Variants in TSPEAR observed in about 807,000 individuals in gnomAD.
TSPEAR encodes thrombospondin type laminin G domain and EAR repeats.
TSPEAR carries 69 observed loss-of-function variants against 71.6 expected under a neutral mutation model. The ratio of observed to expected loss-of-function variants is 0.96; its 90% confidence interval spans 0.79 to 1.18. The LOEUF (loss-of-function observed/expected upper bound fraction) is 1.18. Ranked by LOEUF, TSPEAR falls within the 50% of genes most tolerant of loss-of-function variation. TSPEAR has a pLI of 0.00. For synonymous variants in TSPEAR, 402 were observed against 387.2 expected, an observed-to-expected ratio of 1.04 and a Z score of -0.45; for missense variants, 971 against 894.9, an observed-to-expected ratio of 1.09 and a Z score of -1.09.
chr21:44,682,249 T>A, intron 1 of TSPEAR: 1 of 1,111,970 alleles, frequency 9.0e-7, no homozygotes, highest in Non-Finnish European at 1.3e-6. Context: ...GTTGTCTTCC[T>A]TGTTTTTCTT....
At chr21:44,678,395 C>G (rs1262799708) in intron 1 of TSPEAR, among the ~76,000 whole-genome samples, 1 of 152,052 alleles carries the variant, frequency 6.6e-6, no homozygotes, top group African/African-American at 2.4e-5. Flanking sequence ...TCACCCCACC[C>G]ACACTGCTCC....
chr21:44,646,873 T>C, intron 1 of TSPEAR: 1 of 1,575,014 alleles, frequency 6.3e-7, no homozygotes, highest in Non-Finnish European at 8.6e-7. Flanking sequence ...TTGCTGTGCC[T>C]CTTCCTCCTG....
rs191248446 is a variant in TSPEAR at position 44,513,417 on chromosome 21, A to G, written c.1567-4031T>C. Among the ~76,000 whole-genome samples, 803 of 152,246 alleles carry G rather than the reference A, an allele frequency of 5.3e-3. 12 individuals carry two copies. Among genetic ancestry groups the G allele is most frequent in the African/African-American group, 0.019 (769 of 41,514 alleles). ...TAAGCACATTAGGGACTCATAGAGG[A>G]GAGAGAAAGAATCTTCACATCAAAG... On this transcript the variant is annotated intron_variant, in intron 9 of 11. Coordinates refer to ENST00000323084, the MANE Select transcript of TSPEAR (RefSeq NM_144991.3).
chr21:44,508,035 A>G (rs2052245088), intron 10 of TSPEAR: 1 of 152,242 alleles, frequency 6.6e-6, no homozygotes, highest in South Asian at 2.1e-4. Context: ...TCCTTTGTAA[A>G]GCCAGGAGTT....
chr21:44,700,654 A>G (rs1987606214), intron 1 of TSPEAR, among the ~76,000 whole-genome samples: 1 of 152,178 alleles, frequency 6.6e-6, no homozygotes, highest in African/African-American at 2.4e-5. Context: ...GGGGCCCTGA[A>G]GCCTCAGCCC....
intron 1 of TSPEAR, among the ~76,000 whole-genome samples, chr21:44,576,776 C>A (rs1234221653): frequency 6.6e-6 from 1 of 152,142 alleles, no homozygotes; most frequent in African/African-American, 2.4e-5. Flanking sequence ...TGAGAAACCA[C>A]TAAAAACCAA....
chr21:44,646,422 TTA>T (rs782347036), intron 1 of TSPEAR: 2 of 1,579,866 alleles, frequency 1.3e-6, no homozygotes, highest in African/African-American at 2.7e-5. Context: ...ACACACTCAC[TTA>T]CACCTCCCCC....
At chr21:44,513,996 C>T (rs587701984) in intron 9 of TSPEAR, among the ~76,000 whole-genome samples, 39 of 152,304 alleles carry the variant, frequency 2.6e-4, no homozygotes, top group African/African-American at 8.7e-4. Context: ...GGGTGCCCCC[C>T]GTGCTCTTCC....
intron 2 of TSPEAR, 72 bp downstream of exon 2, chr21:44,567,713 C>G (rs903322234): frequency 7.5e-7 from 1 of 1,336,878 alleles, no homozygotes; most frequent in Non-Finnish European, 1.0e-6. Flanking sequence ...AACCTGTGCA[C>G]GCGTTGGTAC....
intron 1 of TSPEAR, chr21:44,678,032 A>T: frequency 1.3e-6 from 1 of 785,300 alleles, no homozygotes; most frequent in Non-Finnish European, 2.2e-6. Flanking sequence ...AACTTCCCAT[A>T]GAGACAACTC....
At chr21:44,537,320 G>T (rs1269779106) in intron 2 of TSPEAR, among the ~76,000 whole-genome samples, 1 of 152,164 alleles carries the variant, frequency 6.6e-6, no homozygotes, top group Non-Finnish European at 1.5e-5. Flanking sequence ...TACTGGAAAA[G>T]CTTTCTAAAA....
At position 44,638,045 on chromosome 21, in the gene TSPEAR, G is replaced by T. The variant is rs782603252; in HGVS notation, c.83-70040C>A. On this transcript the variant is annotated intron_variant, in intron 1 of 11. Transcript: ENST00000323084. ...CTGCTGCGTGCCCGTCCCCTCCTGC[G>T]GTGCCTCTGCCTCCTCCTGCCAGCC... The T allele has an allele frequency of 5.6e-6, 9 of 1,613,104 alleles. No individual in the cohort carries two copies. The highest frequency in any genetic ancestry group is 6.8e-6 in the Non-Finnish European group (8 of 1,179,636).
chr21:44,556,562 C>T (rs1209076026), intron 2 of TSPEAR, among the ~76,000 whole-genome samples: 3 of 152,020 alleles, frequency 2.0e-5, no homozygotes, highest in Non-Finnish European at 4.4e-5. Context: ...GCATGGTGGC[C>T]TGCGCCTGTA....
At chr21:44,613,065 T>C (rs1981828880) in intron 1 of TSPEAR, 2 of 880,364 alleles carry the variant, frequency 2.3e-6, no homozygotes, top group Non-Finnish European at 3.4e-6. Flanking sequence ...TCCCCAGCTC[T>C]TGCCTTCCAG....
intron 9 of TSPEAR, 39 bp from the exon 10 acceptor site, chr21:44,509,425 GC>G: frequency 1.3e-6 from 2 of 1,568,550 alleles, no homozygotes; most frequent in African/African-American, 2.7e-5. Context: ...GTGTGGGGGA[GC>G]GGGCGCAGAG....
intron 1 of TSPEAR, among the ~76,000 whole-genome samples, chr21:44,606,325 T>C (rs1198054629): frequency 6.6e-6 from 1 of 152,172 alleles, no homozygotes; most frequent in Non-Finnish European, 1.5e-5. Context: ...CAATGAGACA[T>C]CACCTCACAC....
At chr21:44,707,784 A>G (rs1988010074) in intron 1 of TSPEAR, among the ~76,000 whole-genome samples, 1 of 152,086 alleles carries the variant, frequency 6.6e-6, no homozygotes, top group Non-Finnish European at 1.5e-5. Context: ...CTGATTCTCT[A>G]TAGGTGGCGG....
In TSPEAR at chr21:44,651,313, G is replaced by A. The variant is rs139750958; in HGVS notation, c.82+60120C>T. On this transcript the variant is annotated intron_variant, in intron 1 of 11. Transcript: ENST00000323084. ...TCACGGCTGTGGCTGGCAAGACCAC[G>A]CAGTGTGTAGAAACACCAGGCTGTG... Among the ~76,000 whole-genome samples, 1,079 of 152,254 alleles carry A rather than the reference G, an allele frequency of 7.1e-3. 16 individuals carry two copies. Among genetic ancestry groups the A allele is most frequent in the Non-Finnish European group, 8.6e-3 (583 of 68,022 alleles).
chr21:44,530,282 A>G (rs587766043), intron 4 of TSPEAR, among the ~76,000 whole-genome samples: 149 of 152,080 alleles, frequency 9.8e-4, no homozygotes, highest in African/African-American at 3.3e-3. Context: ...CTGTCCATCC[A>G]TCAGTCCAAT....
Sources: allele counts gnomAD v4.1 joint callset (sites outside exome capture counted in the v4.1 genomes callset), GRCh38; gene constraint gnomAD v4.1.1; transcripts MANE v1.5; gene names NCBI Gene and HGNC (gene_info 2026-07-23, HGNC 2026-07-21).